Variants in SLC14A1 observed in about 807,000 individuals in gnomAD.
The protein encoded by SLC14A1 is solute carrier family 14 member 1 (Kidd blood group), also known as urea transporter 1.
A neutral mutation model predicts 39.6 loss-of-function variants in SLC14A1; 36 were observed. That is an observed-to-expected ratio of 0.91 (90% CI 0.70 to 1.20). SLC14A1 has a LOEUF of 1.20. Among genes scored for constraint, SLC14A1 ranks in the 50% most tolerant of loss-of-function variants. The pLI is 0.00. For missense variants in SLC14A1, 469 were observed against 478.7 expected (o/e 0.98, Z 0.19); for synonymous variants, 164 against 173.6 (o/e 0.94, Z 0.43).
intron 1 of SLC14A1, 110 bp from the exon 2 acceptor site, chr18:45,724,838 ACT>A (rs2046820405): frequency 6.6e-6 from 1 of 152,102 alleles, no homozygotes; most frequent in South Asian, 2.1e-4. Context: ...TTGCAGCTGC[ACT>A]CTCTGGAGTC....
intron 8 of SLC14A1, among the ~76,000 whole-genome samples, chr18:45,747,695 C>CA (rs1303985786): frequency 1.3e-5 from 2 of 149,784 alleles, no homozygotes; most frequent in Non-Finnish European, 3.0e-5. Flanking sequence ...ACTCCATCTC[C>CA]AAAAAAAATA....
chr18:45,739,265 A>C lies in SLC14A1; in HGVS notation c.766A>C (p.Met256Leu). The change falls in exon 7 of 10, where the codon ATG becomes CTG. Residue 256 changes from methionine (M) to leucine (L), a missense_variant. Met to Leu is a conservative substitution (Grantham distance 15). Transcript: ENST00000321925. ...LGAILLSSPLMCLHAAIGSLL... is the reference protein window; with the variant it reads ...LGAILLSSPLLCLHAAIGSLL... Reference sequence around the variant, plus strand: ...AGCCATCCTACTCTCCTCCCCACTCATGTGCCTGCATGCTGCCATAGGATC... The same window carrying C: ...AGCCATCCTACTCTCCTCCCCACTCCTGTGCCTGCATGCTGCCATAGGATC... The C allele has an allele frequency of 6.2e-7, 1 of 1,614,148 alleles. No individual in the cohort carries two copies. Among genetic ancestry groups the C allele is most frequent in the Non-Finnish European group, 8.5e-7 (1 of 1,180,018 alleles).
chr18:45,730,999 A>G lies in SLC14A1; in HGVS notation c.152-16A>G, dbSNP rs781027243. 8 of 1,613,394 alleles carry G rather than the reference A, an allele frequency of 5.0e-6. No homozygotes were observed. The Admixed American group carries it at 1.3e-4, about 27-fold the overall frequency. ...TTGGCAGCTTCCTTAGCTCTGCTTTACCTCATCCCTTCCAGACAAACCCGT... is the reference window on the plus strand; with the variant it reads ...TTGGCAGCTTCCTTAGCTCTGCTTTGCCTCATCCCTTCCAGACAAACCCGT... On this transcript the variant is annotated splice_polypyrimidine_tract_variant and intron_variant, in intron 3 of 9. Coordinates refer to ENST00000321925, the MANE Select transcript of SLC14A1 (RefSeq NM_015865.7).
At chr18:45,738,502 G>T (rs1163017867) in intron 6 of SLC14A1, among the ~76,000 whole-genome samples, 5 of 152,162 alleles carry the variant, frequency 3.3e-5, no homozygotes, top group Non-Finnish European at 5.9e-5. Context: ...ACATTTCCAT[G>T]TATTTTTGTG....
chr18:45,746,083 G>A (rs1295257711), intron 8 of SLC14A1, among the ~76,000 whole-genome samples: 2 of 152,196 alleles, frequency 1.3e-5, no homozygotes, highest in South Asian at 2.1e-4. Flanking sequence ...GAGCAACTGC[G>A]TGGCCAGAGA....
intron 8 of SLC14A1, among the ~76,000 whole-genome samples, chr18:45,745,987 T>A (rs1450726736): frequency 2.6e-5 from 4 of 152,376 alleles, no homozygotes; most frequent in Admixed American, 2.0e-4. Context: ...GCTGTTTTTT[T>A]ATCAGTCCCC....
chr18:45,727,209 A>G, intron 2 of SLC14A1: 1 of 1,524,136 alleles, frequency 6.6e-7, no homozygotes, highest in Non-Finnish European at 8.9e-7. Flanking sequence ...CATTAGAGCT[A>G]GGGCACACGT....
chr18:45,731,149 G>C lies in SLC14A1; in HGVS notation c.286G>C (p.Gly96Arg). The C allele has an allele frequency of 6.2e-7, 1 of 1,614,142 alleles. No homozygotes were observed. Residue 96 changes from glycine to arginine, a missense_variant, in exon 4 of 10, where the codon GGC becomes CGC. Gly to Arg is a moderately radical substitution (Grantham distance 125). Coordinates refer to ENST00000321925, the MANE Select transcript of SLC14A1 (RefSeq NM_015865.7). The part of the protein sequence containing the change: ...LVQNPWWALT[G>R]WLGTVVSTLM... ...TCAGAACCCCTGGTGGGCTCTCACT[G>C]GCTGGCTGGGAACAGTGGTCTCCAC... is the stretch of plus-strand genomic sequence containing the variant.
chr18:45,736,342 A>G lies in SLC14A1; in HGVS notation c.471-114A>G. ...TTCTTTCTGTGGCAAATGTGCCAAC[A>G]CAACACGTAAGGGGCCTGTTGGCAG... On this transcript the variant is annotated intron_variant, in intron 5 of 9. Coordinates refer to ENST00000321925, the MANE Select transcript of SLC14A1 (RefSeq NM_015865.7). 3.1e-6 allele frequency: 3 copies of G among 974,836 alleles called. No homozygotes were observed. In the South Asian group the frequency reaches 3.9e-5, roughly 13 times the overall value. 60.4% of individuals were successfully genotyped at this position (974,836 alleles called of 1,614,324 possible). A position where few individuals can be genotyped will look rare whatever the true frequency, so the allele number is the denominator to read the frequency against.
intron 8 of SLC14A1, among the ~76,000 whole-genome samples, chr18:45,741,510 A>T (rs2047377170): frequency 1.3e-5 from 2 of 152,238 alleles, no homozygotes; most frequent in South Asian, 4.1e-4. Context: ...CTGGCAGAAA[A>T]TGGGATGGTA....
chr18:45,729,440 T>C (rs578182532), intron 2 of SLC14A1: 1 of 152,334 alleles, frequency 6.6e-6, no homozygotes, highest in East Asian at 1.9e-4. Context: ...TCATGAGAAG[T>C]GAATGGTCTC....
Position 45,751,552 on chromosome 18 carries a change from AGGATCTCT to A in SLC14A1, c.*1602_*1609del. On this transcript the variant is annotated 3_prime_UTR_variant, in exon 10 of 10. Coordinates refer to ENST00000321925, the MANE Select transcript of SLC14A1 (RefSeq NM_015865.7). ...CAGCACTTTGGGAGATGGAGGTAAA[AGGATCTCT>A]TGAGCCCAGGAGTTCAAGACCAGCT... The A allele has an allele frequency of 1.0e-6, 1 of 975,644 alleles. No individual in the cohort carries two copies. The highest frequency in any genetic ancestry group is 1.2e-6 in the Non-Finnish European group (1 of 821,416). The allele number at this position is 975,644 out of a possible 1,614,324, so 60.4% of individuals were successfully genotyped here. A position where few individuals can be genotyped will look rare whatever the true frequency, so the allele number is the denominator to read the frequency against.
chr18:45,734,407 G>T lies in SLC14A1; in HGVS notation c.470+5G>T, dbSNP rs1375162890. 6 of 1,606,688 alleles carry T rather than the reference G, an allele frequency of 3.7e-6. No homozygotes were observed. The highest frequency in any genetic ancestry group is 5.1e-6 in the Non-Finnish European group (6 of 1,177,516). On this transcript the variant is annotated splice_donor_5th_base_variant and intron_variant, in intron 5 of 9. Coordinates refer to ENST00000321925, the MANE Select transcript of SLC14A1 (RefSeq NM_015865.7). ...ATGTGCTATGTCCATGACTTGGTAA[G>T]TTACAATTGGTTTTCAAAATGCCTT...
chr18:45,727,250 CATGTATTGAG>C, intron 2 of SLC14A1: 1 of 1,551,216 alleles, frequency 6.4e-7, no homozygotes, highest in African/African-American at 1.4e-5. Context: ...TGCCCTTTGT[CATGTATTGAG>C]AAAAAGTAAG....
intron 8 of SLC14A1, among the ~76,000 whole-genome samples, chr18:45,747,950 T>G (rs1011651164): frequency 2.0e-5 from 3 of 152,218 alleles, no homozygotes; most frequent in Non-Finnish European, 4.4e-5. Context: ...CAAGAAACAT[T>G]CATAGGTTTC....
intron 2 of SLC14A1, among the ~76,000 whole-genome samples, chr18:45,728,356 C>T (rs1160380605): frequency 1.3e-5 from 2 of 152,082 alleles, no homozygotes; most frequent in Non-Finnish European, 2.9e-5. Flanking sequence ...GTCCATGTTC[C>T]TGCTTTGGGA....
At position 45,736,451 on chromosome 18, in the gene SLC14A1, T is replaced by C; in HGVS notation, c.471-5T>C. On this transcript the variant is annotated splice_region_variant and splice_polypyrimidine_tract_variant and intron_variant, in intron 5 of 9. Coordinates refer to ENST00000321925, the MANE Select transcript of SLC14A1 (RefSeq NM_015865.7). The stretch of plus-strand genomic sequence containing the variant: ...GCACATTCTTTTGCTCTGTTCTTTT[T>C]TTAGCCCAATTTTCTCAAGTGCATT... 2 of 1,614,150 alleles carry C rather than the reference T, an allele frequency of 1.2e-6. No individual in the cohort carries two copies. The highest frequency in any genetic ancestry group is 8.5e-7 in the Non-Finnish European group (1 of 1,179,984).
intron 8 of SLC14A1, chr18:45,747,290 T>TA (rs2077152158): frequency 6.6e-6 from 1 of 152,188 alleles, no homozygotes; most frequent in Non-Finnish European, 1.5e-5. Context: ...GAGGAATAGA[T>TA]AATTAGCTGG....
chr18:45,731,605 T>G (rs753476650), intron 4 of SLC14A1: 3 of 327,342 alleles, frequency 9.2e-6, no homozygotes, highest in Non-Finnish European at 1.8e-5. Context: ...GTTGCTATGA[T>G]GAGTTTAGGA....
Sources: gnomAD v4.1 joint callset for allele counts (sites outside exome capture counted in the v4.1 genomes callset) on GRCh38, gnomAD v4.1.1 for gene constraint, MANE v1.5 for transcripts, NCBI Gene and HGNC (gene_info 2026-07-23, HGNC 2026-07-21) for gene names.